The following PLSCR2 variants were observed in gnomAD, a reference collection of about 807,000 sequenced individuals.
PLSCR2 encodes the protein phospholipid scramblase 2, also known as PL scramblase 2.
A neutral mutation model predicts 25.3 loss-of-function variants in PLSCR2; 18 were observed. That is an observed-to-expected ratio of 0.71 (90% confidence interval 0.49 to 1.06). The LOEUF is 1.06. Ranked by LOEUF, PLSCR2 falls within the 50% of genes least tolerant of loss-of-function variation. PLSCR2 has a pLI of 0.00. For synonymous variants in PLSCR2, 88 were observed against 87.3 expected (o/e 1.01, Z -0.04); for missense variants, 243 against 269.5 (o/e 0.90, Z 0.69).
intron 2 of PLSCR2, among the ~76,000 whole-genome samples, chr3:146,409,596 C>T (rs1430754530): frequency 2.0e-5 from 3 of 152,112 alleles, no homozygotes; most frequent in African/African-American, 7.2e-5. Flanking sequence ...AATGACCCTT[C>T]AGGGGGCCAC....
upstream of PLSCR2, among the ~76,000 whole-genome samples, chr3:146,461,445 G>T (rs140249523): frequency 6.6e-6 from 1 of 152,198 alleles, no homozygotes; most frequent in East Asian, 1.9e-4. Flanking sequence ...CTATCAAAAA[G>T]TCAATATGCT....
chr3:146,424,348 A>G (rs2039263107), intron 2 of PLSCR2, among the ~76,000 whole-genome samples: 1 of 152,008 alleles, frequency 6.6e-6, no homozygotes, highest in Non-Finnish European at 1.5e-5. Context: ...AATCTTAATT[A>G]CTTCCTTATA....
At chr3:146,438,854 A>G (rs975816826), downstream of PLSCR2, among the ~76,000 whole-genome samples, 10 of 152,144 alleles carry the variant, frequency 6.6e-5, no homozygotes, top group African/African-American at 2.2e-4. Context: ...TAGTTGATGC[A>G]GTTTCTTCCT....
chr3:146,460,316 T>G (rs2041493297), exon 1 of PLSCR2: 1 of 708,264 alleles, frequency 1.4e-6, no homozygotes, highest in Non-Finnish European at 1.9e-6. Context: ...AGCTTTACTT[T>G]TACTATGTAA....
intron 1 of PLSCR2, chr3:146,495,173 T>C (rs1004897439): frequency 1.3e-5 from 2 of 152,182 alleles, no homozygotes; most frequent in African/African-American, 4.8e-5. Context: ...AGATGTAAGA[T>C]GAAGTTGGAG....
At chr3:146,438,699 G>A (rs1188050365), downstream of PLSCR2, among the ~76,000 whole-genome samples, 1 of 152,126 alleles carries the variant, frequency 6.6e-6, no homozygotes, top group Non-Finnish European at 1.5e-5. Flanking sequence ...CCTGAATACA[G>A]CACACTGATG....
downstream of PLSCR2, among the ~76,000 whole-genome samples, chr3:146,437,104 C>A (rs930880285): frequency 8.6e-5 from 13 of 152,016 alleles, no homozygotes; most frequent in Admixed American, 8.5e-4. Flanking sequence ...GTTGAACCAG[C>A]CTTGTATCCC....
chr3:146,393,476 AC>A (rs1197063119), intron 3 of PLSCR2, among the ~76,000 whole-genome samples: 6 of 152,016 alleles, frequency 3.9e-5, no homozygotes, highest in Non-Finnish European at 7.4e-5. Flanking sequence ...ATTTTTGTAA[AC>A]AATATTTATT....
downstream of PLSCR2, among the ~76,000 whole-genome samples, chr3:146,432,909 G>A (rs918911152): frequency 6.6e-6 from 1 of 151,990 alleles, no homozygotes; most frequent in Non-Finnish European, 1.5e-5. Context: ...AAAGACTATA[G>A]TATGTCTTGA....
In PLSCR2 at chr3:146,393,808, C is replaced by CAAAAAAAA. The variant is rs71849356; in HGVS notation, c.*145+1944_*145+1951dup. Among the ~76,000 whole-genome samples, 66 of 123,728 alleles carry CAAAAAAAA rather than the reference C, an allele frequency of 5.3e-4. 4 individuals are homozygous for CAAAAAAAA. Among genetic ancestry groups the CAAAAAAAA allele is most frequent in the Admixed American group, 1.0e-3 (12 of 12,002 alleles). The allele number at this position is 123,728 out of a possible 152,430, so 81.2% of individuals were successfully genotyped here. On this transcript the variant is annotated intron_variant and NMD_transcript_variant, in intron 3 of 3. Transcript: ENST00000463633. ...CAGCCTGGCGACAGAGACTCCGTCT[C>CAAAAAAAA]AAAAAAAAAAAAAAAACTTCTAAAT...
At chr3:146,433,436 C>T (rs2039626588) in exon 9 of PLSCR2, 1 of 152,112 alleles carries the variant, frequency 6.6e-6, no homozygotes, top group South Asian at 2.1e-4. Flanking sequence ...TTTTTCCTTA[C>T]ATCTTCCTTG....
intron 2 of PLSCR2, among the ~76,000 whole-genome samples, chr3:146,415,719 C>T (rs2038986918): frequency 6.6e-6 from 1 of 151,996 alleles, no homozygotes. Context: ...ATTCAAGAGA[C>T]AATATCACAG....
At chr3:146,471,867 A>T (rs1188809678) in intron 1 of PLSCR2, among the ~76,000 whole-genome samples, 1 of 152,196 alleles carries the variant, frequency 6.6e-6, no homozygotes, top group Non-Finnish European at 1.5e-5. Flanking sequence ...CCCGGCCAAG[A>T]TACAATTCTT....
exon 6 of PLSCR2, chr3:146,449,236 T>G: frequency 6.2e-7 from 1 of 1,613,014 alleles, no homozygotes. Context: ...TCATCACGGC[T>G]TTCATTTTAA....
chr3:146,463,579 A>T (rs2041726256), upstream of PLSCR2, among the ~76,000 whole-genome samples: 1 of 152,092 alleles, frequency 6.6e-6, no homozygotes, highest in Non-Finnish European at 1.5e-5. Context: ...TTCTCCATCT[A>T]CTGTAGATCC....
chr3:146,480,326 T>G (rs2043084645), intron 1 of PLSCR2, among the ~76,000 whole-genome samples: 1 of 151,776 alleles, frequency 6.6e-6, no homozygotes, highest in East Asian at 1.9e-4. Flanking sequence ...TCAACAAAAC[T>G]GATAGACCAC....
At chr3:146,399,314 T>C (rs908465044) in intron 2 of PLSCR2, among the ~76,000 whole-genome samples, 1 of 151,848 alleles carries the variant, frequency 6.6e-6, no homozygotes, top group African/African-American at 2.4e-5. Context: ...GAATAAATTA[T>C]GGCATATCCA....
At chr3:146,396,052 T>C (rs2038262456) in intron 2 of PLSCR2, 1 of 181,086 alleles carries the variant, frequency 5.5e-6, no homozygotes, top group Admixed American at 6.4e-5. Context: ...TTACAAAATA[T>C]GCAACATGGA....
chr3:146,495,820 A>G (rs1284273396), intron 1 of PLSCR2: 3 of 1,165,880 alleles, frequency 2.6e-6, no homozygotes, highest in Non-Finnish European at 3.7e-6. Context: ...GCATAAACAA[A>G]AGGGAGTATG....
Sources: gnomAD v4.1 joint callset for allele counts (sites outside exome capture counted in the v4.1 genomes callset) on GRCh38, gnomAD v4.1.1 for gene constraint, MANE v1.5 for transcripts, NCBI Gene and HGNC (gene_info 2026-07-23, HGNC 2026-07-21) for gene names.